Variants in PLXDC2 observed in about 807,000 individuals in gnomAD.
PLXDC2 encodes the protein plexin domain containing 2.
In PLXDC2, 40 loss-of-function variants were observed where a neutral mutation model predicts 68.9. The observed-to-expected ratio is 0.58, with a 90% CI of 0.45 to 0.76. The LOEUF is 0.76. PLXDC2 is among the 30% of genes least tolerant of loss of function. PLXDC2 has a pLI of 0.00. For missense variants in PLXDC2, 644 were observed against 661.9 expected (o/e 0.97, Z 0.30); for synonymous variants, 243 against 234.2 (o/e 1.04, Z -0.34).
intron 1 of PLXDC2, among the ~76,000 whole-genome samples, chr10:19,935,048 C>T (rs539912580): frequency 9.2e-5 from 14 of 152,302 alleles, no homozygotes; most frequent in Admixed American, 2.0e-4. Flanking sequence ...TTGAAAATTT[C>T]GTAGAAGAGT....
intron 1 of PLXDC2, among the ~76,000 whole-genome samples, chr10:19,928,192 G>T (rs572535282): frequency 3.3e-5 from 5 of 152,078 alleles, no homozygotes; most frequent in Non-Finnish European, 5.9e-5. Flanking sequence ...TCCACTCATT[G>T]GTTGATGGGC....
intron 1 of PLXDC2, among the ~76,000 whole-genome samples, chr10:19,894,040 A>G (rs1013291806): frequency 2.6e-5 from 4 of 152,212 alleles, no homozygotes; most frequent in Admixed American, 2.0e-4. Context: ...AGAAGCACCC[A>G]GAGGAGGAAG....
At chr10:20,093,636 T>C (rs1160790433) in intron 4 of PLXDC2, among the ~76,000 whole-genome samples, 1 of 152,210 alleles carries the variant, frequency 6.6e-6, no homozygotes, top group African/African-American at 2.4e-5. Context: ...AAAAACTGCA[T>C]GAGAGAAAAT....
chr10:20,067,133 A>G (rs1836224042), intron 3 of PLXDC2, among the ~76,000 whole-genome samples: 1 of 152,186 alleles, frequency 6.6e-6, no homozygotes. Context: ...GGGTTTTAAC[A>G]TTTTAATATT....
At chr10:19,949,192 G>C (rs368135340) in intron 1 of PLXDC2, among the ~76,000 whole-genome samples, 4 of 145,858 alleles carry the variant, frequency 2.7e-5, no homozygotes, top group Admixed American at 2.7e-4. Flanking sequence ...CTATTTTAAT[G>C]TATAAAACAT....
At chr10:20,240,344 A>C (rs1835498023) in intron 12 of PLXDC2, among the ~76,000 whole-genome samples, 1 of 152,202 alleles carries the variant, frequency 6.6e-6, no homozygotes, top group Admixed American at 6.5e-5. Flanking sequence ...GTTGATGAGC[A>C]TTTAGGTTGA....
At chr10:19,833,346 A>C (rs1484111193) in intron 1 of PLXDC2, among the ~76,000 whole-genome samples, 1 of 152,208 alleles carries the variant, frequency 6.6e-6, no homozygotes, top group Non-Finnish European at 1.5e-5. Flanking sequence ...AATTAACTAG[A>C]AGTGCCGACT....
At chr10:19,948,491 A>T (rs1833941282) in intron 1 of PLXDC2, among the ~76,000 whole-genome samples, 1 of 151,168 alleles carries the variant, frequency 6.6e-6, no homozygotes, top group African/African-American at 2.4e-5. Context: ...AATGACCAAC[A>T]GTTTGCTAGT....
At chr10:20,024,533 T>C (rs535678423) in intron 2 of PLXDC2, among the ~76,000 whole-genome samples, 1 of 152,354 alleles carries the variant, frequency 6.6e-6, no homozygotes, top group African/African-American at 2.4e-5. Flanking sequence ...TAATAAACTT[T>C]TTTTCCAGAG....
chr10:19,947,065 A>G (rs1833913155), intron 1 of PLXDC2, among the ~76,000 whole-genome samples: 1 of 152,158 alleles, frequency 6.6e-6, no homozygotes, highest in Non-Finnish European at 1.5e-5. Flanking sequence ...GAATAAAGAA[A>G]GATTTGAAGA....
At chr10:19,854,183 G>C (rs766053669) in intron 1 of PLXDC2, among the ~76,000 whole-genome samples, 1 of 152,206 alleles carries the variant, frequency 6.6e-6, no homozygotes, top group Non-Finnish European at 1.5e-5. Flanking sequence ...AGCAGGGCGA[G>C]TGGATGAGGC....
At chr10:19,883,910 T>TTTTTTTTTTTTTTTTTTTTTTTTTTC (rs1837788441) in intron 1 of PLXDC2, among the ~76,000 whole-genome samples, 1 of 136,598 alleles carries the variant, frequency 7.3e-6, no homozygotes. Context: ...TTTTTTTTTT[T>TTTTTTTTTTTTTTTTTTTTTTTTTTC]TAGCAGACAG....
chr10:20,231,728 G>A (rs1223265305), intron 12 of PLXDC2, among the ~76,000 whole-genome samples: 1 of 151,744 alleles, frequency 6.6e-6, no homozygotes, highest in East Asian at 1.9e-4. Flanking sequence ...AAAATTCAAA[G>A]CCTGGAGCTG....
At chr10:20,240,876 G>C (rs1186452936) in intron 12 of PLXDC2, among the ~76,000 whole-genome samples, 1 of 152,100 alleles carries the variant, frequency 6.6e-6, no homozygotes, top group Non-Finnish European at 1.5e-5. Context: ...TTTTGGAGTT[G>C]AGTATGCTAC....
At position 20,207,033 on chromosome 10, in the gene PLXDC2, A is replaced by C. The variant is rs528520398; in HGVS notation, c.1062-4636A>C. Among the ~76,000 whole-genome samples the C allele has an allele frequency of 2.0e-5, 3 of 152,214 alleles. No homozygotes were observed. The East Asian group carries it at 5.8e-4, about 29-fold the overall frequency. On this transcript the variant is annotated intron_variant, in intron 9 of 13. Coordinates refer to ENST00000377252, the MANE Select transcript of PLXDC2 (RefSeq NM_032812.9). ...TTCTTGTGCTTATAATTGCTTTTCG[A>C]TGCCATTTAGATTACTGGCCTCTAA... is the stretch of plus-strand genomic sequence containing the variant.
At chr10:19,908,135 G>C (rs1274884870) in intron 1 of PLXDC2, among the ~76,000 whole-genome samples, 1 of 151,994 alleles carries the variant, frequency 6.6e-6, no homozygotes, top group Non-Finnish European at 1.5e-5. Context: ...TTTTTAGATG[G>C]ATGTTTTTAT....
At chr10:20,274,385 G>T (rs1412568065) in intron 13 of PLXDC2, among the ~76,000 whole-genome samples, 1 of 152,150 alleles carries the variant, frequency 6.6e-6, no homozygotes, top group African/African-American at 2.4e-5. Context: ...GAAGAGAGCT[G>T]ATCTGTATAT....
In PLXDC2 at chr10:20,114,518, T is replaced by C. The variant is rs539640035; in HGVS notation, c.542-28777T>C. ...AGAGGGGAATAGACCTAGGAATGGATGTGAAAACAAACAATTTTAACTCAG... is the reference window on the plus strand; with the variant it reads ...AGAGGGGAATAGACCTAGGAATGGACGTGAAAACAAACAATTTTAACTCAG... On this transcript the variant is annotated intron_variant, in intron 4 of 13. Transcript: ENST00000377252. Among the ~76,000 whole-genome samples, 5 of 152,292 alleles carry C rather than the reference T, an allele frequency of 3.3e-5. No individual in the cohort carries two copies. In the South Asian group the frequency reaches 1.0e-3, roughly 32 times the overall value.
chr10:20,040,477 T>G (rs1469106149), intron 2 of PLXDC2, among the ~76,000 whole-genome samples: 1 of 152,198 alleles, frequency 6.6e-6, no homozygotes, highest in Non-Finnish European at 1.5e-5. Context: ...TCATGAATAC[T>G]CATGACTCCT....
Sources: gnomAD v4.1 joint callset for allele counts (sites outside exome capture counted in the v4.1 genomes callset) on GRCh38, gnomAD v4.1.1 for gene constraint, MANE v1.5 for transcripts, NCBI Gene and HGNC (gene_info 2026-07-23, HGNC 2026-07-21) for gene names.